PCDHGA3: variants seen among roughly 807,000 people sequenced by gnomAD.
PCDHGA3 encodes the protein protocadherin gamma subfamily A, 3.
In PCDHGA3, 40 loss-of-function variants were observed where a neutral mutation model predicts 58.5. The observed-to-expected ratio is 0.68, with a 90% CI of 0.53 to 0.89. The LOEUF (loss-of-function observed/expected upper bound fraction) is 0.89. Among genes scored for constraint, PCDHGA3 ranks in the 40% least tolerant of loss-of-function variants. PCDHGA3 has a pLI of 0.00. For synonymous variants in PCDHGA3, 530 were observed against 525.7 expected (o/e 1.01, Z -0.11); for missense variants, 1,223 against 1,195.9 (o/e 1.02, Z -0.33).
chr5:141,476,357 C>G lies in PCDHGA3; in HGVS notation c.2425-18450C>G. On this transcript the variant is annotated intron_variant, in intron 1 of 3. Transcript: ENST00000253812. The surrounding 1 kb of genome is among the most constrained non-coding windows in gnomAD (Gnocchi z 7.6). ...TAGCCGAAGATTCTTTGAGGTGAAC[C>G]GGGAGACCGGAGAGATGTTTGTGAA... The G allele has an allele frequency of 6.2e-7, 1 of 1,614,052 alleles. No individual in the cohort carries two copies. Among genetic ancestry groups the G allele is most frequent in the South Asian group, 1.1e-5 (1 of 91,078 alleles).
intron 1 of PCDHGA3, among the ~76,000 whole-genome samples, chr5:141,386,181 G>C (rs908249495): frequency 3.3e-5 from 5 of 152,138 alleles, no homozygotes; most frequent in Non-Finnish European, 5.9e-5. Flanking sequence ...ACCATCTTAT[G>C]TACACAGATC....
intron 1 of PCDHGA3, chr5:141,398,475 T>C (rs1201280028): frequency 2.0e-5 from 32 of 1,607,296 alleles, no homozygotes; most frequent in Admixed American, 1.7e-4. Flanking sequence ...CACTGAACTT[T>C]TATCACGTGA....
Position 141,420,946 on chromosome 5 carries a change from A to G in PCDHGA3, c.2425-73861A>G, listed in dbSNP as rs1561791007. 5 of 400,268 alleles carry G rather than the reference A, an allele frequency of 1.2e-5. No homozygotes were observed. In the East Asian group the frequency reaches 1.7e-4, roughly 14 times the overall value. The allele number at this position is 400,268 out of a possible 1,614,324, so 24.8% of individuals were successfully genotyped here. A position where few individuals can be genotyped will look rare whatever the true frequency, so the allele number is the denominator to read the frequency against. ...AGGTGAGCGTAATCATTTCTTCTGG[A>G]ATTTCTTAGTCGTTGCAATAATAAG... On this transcript the variant is annotated intron_variant, in intron 1 of 3. Coordinates refer to ENST00000253812, the MANE Select transcript of PCDHGA3 (RefSeq NM_018916.4).
chr5:141,367,183 G>A lies in PCDHGA3; in HGVS notation c.2424+20726G>A, dbSNP rs190214885. On this transcript the variant is annotated intron_variant, in intron 1 of 3. Coordinates refer to ENST00000253812, the MANE Select transcript of PCDHGA3 (RefSeq NM_018916.4). Reference sequence around the variant, plus strand: ...TTAGTCTACCTGAAATTTGTTTAAGGAAATAATTTACAGTATTTACATAAA... The same window carrying A: ...TTAGTCTACCTGAAATTTGTTTAAGAAAATAATTTACAGTATTTACATAAA... 1.5e-3 allele frequency: 236 copies of A among 158,878 alleles called. 2 individuals carry two copies. The Middle Eastern group carries it at 0.027, about 18-fold the overall frequency. The allele number at this position is 158,878 out of a possible 1,614,324, so 9.8% of individuals were successfully genotyped here.
At chr5:141,371,316 G>A in intron 1 of PCDHGA3, 1 of 1,614,002 alleles carries the variant, frequency 6.2e-7, no homozygotes, top group Non-Finnish European at 8.5e-7. Flanking sequence ...TGGAGAACTG[G>A]ACTTTGAAGA....
At chr5:141,400,341 C>T in intron 1 of PCDHGA3, 7 of 1,614,070 alleles carry the variant, frequency 4.3e-6, no homozygotes, top group Non-Finnish European at 5.9e-6. Flanking sequence ...TTCCCCCCAA[C>T]TACAGTCAGG....
chr5:141,487,826 T>C lies in PCDHGA3; in HGVS notation c.2425-6981T>C, dbSNP rs1321152837. 24 of 1,187,814 alleles carry C rather than the reference T, an allele frequency of 2.0e-5. No homozygotes were observed. The highest frequency in any genetic ancestry group is 2.8e-5 in the Non-Finnish European group (24 of 856,356). The allele number at this position is 1,187,814 out of a possible 1,614,324, so 73.6% of individuals were successfully genotyped here. On this transcript the variant is annotated intron_variant, in intron 1 of 3. Coordinates refer to ENST00000253812, the MANE Select transcript of PCDHGA3 (RefSeq NM_018916.4). The surrounding 1 kb of genome is among the most constrained non-coding windows in gnomAD (Gnocchi z 5.0). ...ACAGTTTAGCATTGGGGGCGGGTCA[T>C]GCCTATATCTGAGTAAGAAATGAAA... is the stretch of plus-strand genomic sequence containing the variant.
At position 141,351,450 on chromosome 5, in the gene PCDHGA3, A is replaced by G. The variant is rs374291004; in HGVS notation, c.2424+4993A>G. 10 of 1,613,086 alleles carry G rather than the reference A, an allele frequency of 6.2e-6. No individual in the cohort carries two copies. Among genetic ancestry groups the G allele is most frequent in the Admixed American group, 1.7e-5 (1 of 59,816 alleles). On this transcript the variant is annotated intron_variant, in intron 1 of 3. Transcript: ENST00000253812. ...AAATTAGAATCCACCTCGAAGAATT[A>G]TTACAAGCTGGTGATTGCTGGAGCC...
intron 1 of PCDHGA3, chr5:141,355,014 T>TTTAATCAG: frequency 1.2e-6 from 1 of 854,480 alleles, no homozygotes; most frequent in South Asian, 2.9e-5. Flanking sequence ...AAACCAGAAA[T>TTTAATCAG]TTAATCAGAA....
intron 1 of PCDHGA3, chr5:141,370,342 A>G (rs968653011): frequency 1.3e-5 from 19 of 1,475,912 alleles, no homozygotes; most frequent in Non-Finnish European, 1.7e-5. Flanking sequence ...TCTTGGGATT[A>G]TTTAAAGATC....
Position 141,344,335 on chromosome 5 carries a change from T to C in PCDHGA3, c.302T>C (p.Leu101Pro). 6.2e-7 allele frequency: 1 copy of C among 1,613,982 alleles called. No homozygotes were observed. Among genetic ancestry groups the C allele is most frequent in the South Asian group, 1.1e-5 (1 of 91,082 alleles). Residue 101 changes from leucine (L) to proline (P), a missense_variant, in exon 1 of 4, where the codon CTG (leucine) becomes CCG (proline). Physicochemically the swap from Leu to Pro is moderately conservative, Grantham distance 98. Transcript: ENST00000253812. ...DREELCAQIP[L>P]CLVKINILVE... Reference sequence around the variant, plus strand: ...GAGGAGCTCTGCGCTCAGATCCCGCTGTGTCTGGTAAAAATTAACATTCTG... The same window carrying C: ...GAGGAGCTCTGCGCTCAGATCCCGCCGTGTCTGGTAAAAATTAACATTCTG...
chr5:141,415,277 T>A lies in PCDHGA3; in HGVS notation c.2424+68820T>A, dbSNP rs533281226. 42 of 1,614,216 alleles carry A rather than the reference T, an allele frequency of 2.6e-5. No individual in the cohort carries two copies. In the South Asian group the frequency reaches 4.4e-4, roughly 17 times the overall value. On this transcript the variant is annotated intron_variant, in intron 1 of 3. Coordinates refer to ENST00000253812, the MANE Select transcript of PCDHGA3 (RefSeq NM_018916.4). Reference sequence around the variant, plus strand: ...CTCACTCTGTACCTGGTGGTAGCGGTGGCCGCGGTCTCCTGCGTCTTCCTG... The same window carrying A: ...CTCACTCTGTACCTGGTGGTAGCGGAGGCCGCGGTCTCCTGCGTCTTCCTG...
chr5:141,352,348 A>C, intron 1 of PCDHGA3: 1 of 1,613,802 alleles, frequency 6.2e-7, no homozygotes. Context: ...CCTTGATCTC[A>C]GTGCTCTTTC....
intron 1 of PCDHGA3, among the ~76,000 whole-genome samples, chr5:141,369,429 C>T (rs940701313): frequency 2.0e-5 from 3 of 152,160 alleles, no homozygotes; most frequent in Admixed American, 6.5e-5. Context: ...CAATTTGGGA[C>T]GCTGAGGTGG....
In PCDHGA3 at chr5:141,491,707, G is replaced by A. The variant is rs1337506934; in HGVS notation, c.2425-3100G>A. ...GCTGCGGGAGCGGAGCCAGGTGAGG[G>A]GCTCGGCGCCGCCCCGGGCGACCCC... On this transcript the variant is annotated intron_variant, in intron 1 of 3. Transcript: ENST00000253812. The surrounding 1 kb of genome is among the most constrained non-coding windows in gnomAD (Gnocchi z 6.9). The A allele has an allele frequency of 6.2e-6, 10 of 1,610,604 alleles. No homozygotes were observed. Among genetic ancestry groups the A allele is most frequent in the Admixed American group, 1.7e-5 (1 of 59,554 alleles).
chr5:141,511,373 G>T lies in PCDHGA3; in HGVS notation c.*200G>T. On this transcript the variant is annotated 3_prime_UTR_variant, in exon 4 of 4. Transcript: ENST00000253812. ...CCCCCAGGGGGTTGAATATGCAAAA[G>T]CAGTTCCGCTGGGAACCCCCATCCA... 8.0e-7 allele frequency: 1 copy of T among 1,251,332 alleles called. No homozygotes were observed. The highest frequency in any genetic ancestry group is 1.6e-5 in the South Asian group (1 of 63,796). The allele number at this position is 1,251,332 out of a possible 1,614,324, so 77.5% of individuals were successfully genotyped here.
rs1192987646 is a variant in PCDHGA3, at chr5:141,423,758, G to A, written c.2425-71049G>A. Reference sequence around the variant, plus strand: ...CTGTTATGAAAACTGTTTGGGGGGGGGGTGGGGCGGCATATATTTAGTTCA... The same window carrying A: ...CTGTTATGAAAACTGTTTGGGGGGGAGGTGGGGCGGCATATATTTAGTTCA... On this transcript the variant is annotated intron_variant, in intron 1 of 3. Coordinates refer to ENST00000253812, the MANE Select transcript of PCDHGA3 (RefSeq NM_018916.4). 8.2e-5 allele frequency: 30 copies of A among 366,770 alleles called. 3 individuals are homozygous for A. Among genetic ancestry groups the A allele is most frequent in the Non-Finnish European group, 1.1e-4 (29 of 259,742 alleles). The allele number at this position is 366,770 out of a possible 1,614,324, so 22.7% of individuals were successfully genotyped here.
At chr5:141,481,210 G>A (rs1351826116) in intron 1 of PCDHGA3, among the ~76,000 whole-genome samples, 2 of 152,128 alleles carry the variant, frequency 1.3e-5, no homozygotes, top group Admixed American at 1.3e-4. Context: ...TAAAAAACAT[G>A]GTAAGGTCTC....
chr5:141,373,547 T>C (rs1363440300), intron 1 of PCDHGA3, among the ~76,000 whole-genome samples: 2 of 152,240 alleles, frequency 1.3e-5, no homozygotes, highest in African/African-American at 4.8e-5. Flanking sequence ...TGGTTGTTGG[T>C]ACCCTTACTG....
Sources: gnomAD v4.1 joint callset for allele counts (sites outside exome capture counted in the v4.1 genomes callset) on GRCh38, gnomAD v4.1.1 for gene constraint, Gnocchi (gnomAD v3.1) non-coding constraint, MANE v1.5 for transcripts, NCBI Gene and HGNC (gene_info 2026-07-23, HGNC 2026-07-21) for gene names.